The following PARP11 variants were observed in gnomAD, a reference collection of about 807,000 sequenced individuals.
PARP11 encodes the protein protein mono-ADP-ribosyltransferase PARP11.
Under a neutral mutation model 42.9 loss-of-function variants are expected in PARP11, and 31 were observed. The observed-to-expected ratio is 0.72, with a 90% CI of 0.54 to 0.98. The LOEUF (loss-of-function observed/expected upper bound fraction) is 0.98. PARP11 is among the 50% of genes least tolerant of loss of function. The pLI is 0.00. For missense variants in PARP11, 365 were observed against 413.1 expected (o/e 0.88, Z 1.01); for synonymous variants, 137 against 127.3 (o/e 1.08, Z -0.51).
At chr12:3,868,354 G>T (rs1948424768) in intron 1 of PARP11, among the ~76,000 whole-genome samples, 2 of 152,090 alleles carry the variant, frequency 1.3e-5, no homozygotes, top group Admixed American at 1.3e-4. Context: ...TAGCTACTCA[G>T]GAGGCTGAGG....
At chr12:3,866,450 G>A (rs1260367968) in intron 1 of PARP11, among the ~76,000 whole-genome samples, 1 of 151,966 alleles carries the variant, frequency 6.6e-6, no homozygotes, top group Non-Finnish European at 1.5e-5. Context: ...CATTTTCAGG[G>A]GCAAAGTAAT....
At chr12:3,839,410 A>C (rs1227932039) in intron 1 of PARP11, 5 of 1,580,478 alleles carry the variant, frequency 3.2e-6, no homozygotes, top group Admixed American at 1.8e-5. Flanking sequence ...CTTGTATCGG[A>C]AACTGGTCGC....
chr12:3,839,475 G>C (rs1238573118), intron 1 of PARP11: 1 of 1,612,426 alleles, frequency 6.2e-7, no homozygotes, highest in Non-Finnish European at 8.5e-7. Context: ...TGCACTCTCA[G>C]TCTCGCCATG....
Position 3,822,175 on chromosome 12 carries a change from G to T in PARP11, c.345-18C>A. On this transcript the variant is annotated intron_variant, in intron 4 of 7. Coordinates refer to ENST00000228820, the MANE Select transcript of PARP11 (RefSeq NM_020367.6). ...AGATGTAACTTGAAACAGCAAAAGAGAAAACAAAATATCAGAAGCCGATTA... is the reference window on the plus strand; with the variant it reads ...AGATGTAACTTGAAACAGCAAAAGATAAAACAAAATATCAGAAGCCGATTA... 6.3e-7 allele frequency: 1 copy of T among 1,596,952 alleles called. No homozygotes were observed. The highest frequency in any genetic ancestry group is 8.6e-7 in the Non-Finnish European group (1 of 1,165,878).
chr12:3,838,990 G>C (rs529362470), intron 1 of PARP11, among the ~76,000 whole-genome samples: 1 of 152,164 alleles, frequency 6.6e-6, no homozygotes, highest in Non-Finnish European at 1.5e-5. Flanking sequence ...GTCGGGCAGC[G>C]AGGCCGTCGG....
intron 6 of PARP11, among the ~76,000 whole-genome samples, chr12:3,816,161 A>G (rs1007161632): frequency 6.6e-6 from 1 of 152,114 alleles, no homozygotes; most frequent in Non-Finnish European, 1.5e-5. Context: ...AACAAGGCGC[A>G]TTTGTTCCCT....
intron 1 of PARP11, chr12:3,872,867 G>A (rs1449978541): frequency 2.2e-6 from 2 of 907,064 alleles, no homozygotes; most frequent in Non-Finnish European, 2.6e-6. Context: ...CGGAGGTTGC[G>A]GTGGGCCGAG....
intron 1 of PARP11, among the ~76,000 whole-genome samples, chr12:3,860,457 A>G (rs2138114811): frequency 1.3e-5 from 2 of 152,332 alleles, no homozygotes; most frequent in East Asian, 3.9e-4. Flanking sequence ...CTCAAAGCCC[A>G]GGGATTGTGA....
intron 1 of PARP11, among the ~76,000 whole-genome samples, chr12:3,846,759 AAAAAAAAAAAAAG>A (rs1948007936): frequency 7.4e-6 from 1 of 134,454 alleles, no homozygotes; most frequent in African/African-American, 2.8e-5. Context: ...TCCGTCTTAA[AAAAAAAAAAAAAG>A]AAAAGAAAAA....
Position 3,873,219 on chromosome 12 carries a change from G to T in PARP11, c.11C>A (p.Ala4Glu). The part of the protein sequence containing the change: MWE[A>E]NPEMFHKAEE... ...TCCCGCCCGGCTACTCACTGGATTC[G>T]CTTCCCACATAACGGTGACAAAATC... Residue 4 changes from alanine (A) to glutamate (E), a missense_variant, in exon 1 of 8, where the codon GCG becomes GAG. Transcript: ENST00000228820. 6.5e-7 allele frequency: 1 copy of T among 1,547,716 alleles called. No individual in the cohort carries two copies. The highest frequency in any genetic ancestry group is 8.7e-7 in the Non-Finnish European group (1 of 1,145,680).
intron 1 of PARP11, chr12:3,839,840 A>T: frequency 8.8e-7 from 1 of 1,132,724 alleles, no homozygotes; most frequent in Non-Finnish European, 1.4e-6. Flanking sequence ...TTTAAAACTG[A>T]TGTTAGTAAA....
chr12:3,869,609 T>G (rs1229365989), intron 1 of PARP11, among the ~76,000 whole-genome samples: 1 of 152,186 alleles, frequency 6.6e-6, no homozygotes, highest in Non-Finnish European at 1.5e-5. Flanking sequence ...CCAGCCAACC[T>G]TTACCTGGCT....
intron 4 of PARP11, among the ~76,000 whole-genome samples, chr12:3,824,157 T>G (rs1947466681): frequency 6.6e-6 from 1 of 152,236 alleles, no homozygotes; most frequent in South Asian, 2.1e-4. Flanking sequence ...TGATCAAACT[T>G]TTGAATTTTA....
At chr12:3,814,933 T>C (rs549622592) in intron 6 of PARP11, 1 of 418,716 alleles carries the variant, frequency 2.4e-6, no homozygotes, top group South Asian at 1.7e-5. Context: ...ATACTGTGTA[T>C]TATGTAGGTA....
At chr12:3,871,150 A>T (rs1948470823) in intron 1 of PARP11, among the ~76,000 whole-genome samples, 1 of 152,232 alleles carries the variant, frequency 6.6e-6, no homozygotes, top group African/African-American at 2.4e-5. Flanking sequence ...TAAACTTTCT[A>T]ACTTATCTGG....
In PARP11 at chr12:3,811,506, CTAAGGCAACTGGAAAG is replaced by C. The variant is rs1947176968; in HGVS notation, c.*601_*616del. The C allele has an allele frequency of 6.6e-6, 1 of 152,184 alleles. No homozygotes were observed. Among genetic ancestry groups the C allele is most frequent in the African/African-American group, 2.4e-5 (1 of 41,420 alleles). The allele number at this position is 152,184 out of a possible 1,614,324, so 9.4% of individuals were successfully genotyped here. On this transcript the variant is annotated 3_prime_UTR_variant, in exon 8 of 8. Transcript: ENST00000228820. ...AAGTCTGAGGCTGCAGCCTGCTATC[CTAAGGCAACTGGAAAG>C]TGGGGCATTCTACCTTGATTTTCTC...
intron 1 of PARP11, chr12:3,842,277 A>G: frequency 1.2e-6 from 2 of 1,601,558 alleles, no homozygotes; most frequent in Non-Finnish European, 1.7e-6. Flanking sequence ...ATATTTTGAG[A>G]AGTGGTAGAT....
chr12:3,864,959 A>G (rs1175429965), intron 1 of PARP11, among the ~76,000 whole-genome samples: 1 of 152,148 alleles, frequency 6.6e-6, no homozygotes, highest in Non-Finnish European at 1.5e-5. Context: ...GTTTCTTAGA[A>G]AGCTGTGATT....
intron 1 of PARP11, among the ~76,000 whole-genome samples, chr12:3,863,651 A>T (rs182264350): frequency 2.6e-5 from 4 of 152,356 alleles, no homozygotes; most frequent in African/African-American, 9.6e-5. Context: ...AGTCTAGAAG[A>T]AACCACATAC....
Sources: allele counts gnomAD v4.1 joint callset (sites outside exome capture counted in the v4.1 genomes callset), GRCh38; gene constraint gnomAD v4.1.1; transcripts MANE v1.5; gene names NCBI Gene and HGNC (gene_info 2026-07-23, HGNC 2026-07-21).